The following FRAS1 variants were observed in gnomAD, a reference collection of about 807,000 sequenced individuals.
The protein encoded by FRAS1 is Fraser extracellular matrix complex subunit 1.
FRAS1 carries 290 observed loss-of-function variants against 435.2 expected under a neutral mutation model. The ratio of observed to expected loss-of-function variants is 0.67; its 90% CI spans 0.61 to 0.73. The LOEUF is 0.73. Ranked by LOEUF, FRAS1 falls within the 30% of genes least tolerant of loss-of-function variation. The probability of loss-of-function intolerance (pLI) is 0.00; values close to 1 mark genes in which losing one functional copy is unlikely to be tolerated. For missense variants in FRAS1, 4,860 were observed against 5,001.5 expected (o/e 0.97, Z 0.85); for synonymous variants, 1,800 against 1,851.0 (o/e 0.97, Z 0.71).
At chr4:78,457,789 C>G (rs1719251922) in intron 47 of FRAS1, among the ~76,000 whole-genome samples, 1 of 152,180 alleles carries the variant, frequency 6.6e-6, no homozygotes, top group South Asian at 2.1e-4. Context: ...CTACTTTGTA[C>G]TCACTGCCAA....
intron 2 of FRAS1, among the ~76,000 whole-genome samples, chr4:78,162,376 G>T (rs1198450904): frequency 1.3e-5 from 2 of 152,146 alleles, no homozygotes; most frequent in East Asian, 3.8e-4. Context: ...GGTTTTAAGT[G>T]GGAAGGGATA....
At chr4:78,158,582 G>T (rs1720992118) in intron 2 of FRAS1, among the ~76,000 whole-genome samples, 1 of 152,048 alleles carries the variant, frequency 6.6e-6, no homozygotes. Flanking sequence ...GGTGCTTCAG[G>T]AACATTCGAT....
At chr4:78,467,264 T>C (rs1719561012) in intron 50 of FRAS1, among the ~76,000 whole-genome samples, 1 of 152,200 alleles carries the variant, frequency 6.6e-6, no homozygotes, top group South Asian at 2.1e-4. Flanking sequence ...TCTTCTCCTC[T>C]CTCTCTCCAT....
chr4:78,429,025 C>CGT (rs1237746277), intron 35 of FRAS1, 70 bp from the exon 36 acceptor site: 420 of 1,417,090 alleles, frequency 3.0e-4, no homozygotes, highest in Non-Finnish European at 3.2e-4. Context: ...CAAGTTGATT[C>CGT]GTGTGTGTGT....
chr4:78,069,786 G>GTT (rs5859604), intron 2 of FRAS1, among the ~76,000 whole-genome samples: 1 of 147,008 alleles, frequency 6.8e-6, no homozygotes, highest in African/African-American at 2.5e-5. Flanking sequence ...CCAGGAAATA[G>GTT]TTTTTTTTTT....
chr4:78,527,720 A>T lies in FRAS1; in HGVS notation c.10925+1063A>T, dbSNP rs933732157. 3.3e-5 allele frequency among the ~76,000 whole-genome samples: 5 copies of T among 152,312 alleles called. 1 individual carries two copies. Among genetic ancestry groups the T allele is most frequent in the Admixed American group, 3.3e-4 (5 of 15,302 alleles). On this transcript the variant is annotated intron_variant, in intron 70 of 73. Coordinates refer to ENST00000512123, the MANE Select transcript of FRAS1 (RefSeq NM_025074.7). ...AGGCGAGAAAGTAGAGACAGCAGGG[A>T]TAAACAGTGCTTGAGGAGTTGCTAT...
intron 72 of FRAS1, 143 bp from the exon 73 acceptor site, chr4:78,539,151 G>A: frequency 1.4e-6 from 1 of 690,344 alleles, no homozygotes; most frequent in Non-Finnish European, 2.3e-6. Context: ...ACTGACTTAT[G>A]GAGAGGGCTT....
At chr4:78,284,308 GTAATGCTACA>G in intron 12 of FRAS1, 87 bp from the exon 13 acceptor site, 1 of 890,774 alleles carries the variant, frequency 1.1e-6, no homozygotes. Context: ...CATGTTCTAT[GTAATGCTACA>G]TACTTTGTAG....
chr4:78,446,031 T>C, intron 42 of FRAS1: 2 of 1,220,736 alleles, frequency 1.6e-6, no homozygotes, highest in Non-Finnish European at 2.0e-6. Flanking sequence ...TTCTCTGAAA[T>C]TGTGTTTGGT....
At chr4:78,080,382 T>C (rs1740841645) in intron 2 of FRAS1, among the ~76,000 whole-genome samples, 1 of 152,154 alleles carries the variant, frequency 6.6e-6, no homozygotes, top group Non-Finnish European at 1.5e-5. Context: ...CGGATGAATG[T>C]ATAGGAAAGC....
In FRAS1 at chr4:78,473,432, TCA is replaced by T. The variant is rs2109852774; in HGVS notation, c.7523-3_7523-2del. On this transcript the variant is annotated splice_polypyrimidine_tract_variant and splice_region_variant and intron_variant, in intron 52 of 73. Transcript: ENST00000512123. ...GTTAATTCACAGTGAGTCTTTTTTC[TCA>T]CAGAGGATGTGAACTTGGGGTTGAT... 1 of 1,609,936 alleles carries T rather than the reference TCA, an allele frequency of 6.2e-7. No individual in the cohort carries two copies. The highest frequency in any genetic ancestry group is 1.1e-5 in the South Asian group (1 of 90,188).
intron 2 of FRAS1, among the ~76,000 whole-genome samples, chr4:78,086,130 A>G (rs1221447224): frequency 6.6e-6 from 1 of 152,124 alleles, no homozygotes; most frequent in Non-Finnish European, 1.5e-5. Context: ...CTCACTCAAA[A>G]CTGCTCAACT....
At chr4:78,339,241 C>T (rs57417744) in intron 20 of FRAS1, among the ~76,000 whole-genome samples, 2,937 of 152,310 alleles carry the variant, frequency 0.019, 90 homozygotes, top group African/African-American at 0.067. Flanking sequence ...CTTATTATCA[C>T]TTTAAGATAT....
At chr4:78,215,298 G>A (rs774086221) in intron 2 of FRAS1, among the ~76,000 whole-genome samples, 11 of 151,886 alleles carry the variant, frequency 7.2e-5, no homozygotes, top group Non-Finnish European at 1.5e-4. Flanking sequence ...TGGGTTCAAC[G>A]AATTCTTCTG....
intron 4 of FRAS1, among the ~76,000 whole-genome samples, chr4:78,247,454 A>G (rs1725295291): frequency 6.6e-6 from 1 of 152,126 alleles, no homozygotes; most frequent in Non-Finnish European, 1.5e-5. Context: ...ATTTTTTTTA[A>G]GGCGAGACAA....
chr4:78,387,228 C>T (rs570391683), intron 28 of FRAS1, 147 bp from the exon 29 acceptor site: 97 of 568,344 alleles, frequency 1.7e-4, no homozygotes, highest in African/African-American at 1.5e-3. Flanking sequence ...ACACCTCTGA[C>T]GAATGTGTTC....
intron 4 of FRAS1, among the ~76,000 whole-genome samples, chr4:78,249,367 C>T (rs1414872898): frequency 9.4e-6 from 1 of 106,238 alleles, no homozygotes; most frequent in Non-Finnish European, 1.7e-5. Context: ...CTCACTCTGT[C>T]TCCCAGTTGC....
intron 6 of FRAS1, among the ~76,000 whole-genome samples, chr4:78,256,951 G>A (rs187339445): frequency 6.3e-4 from 96 of 152,186 alleles, no homozygotes; most frequent in Admixed American, 1.2e-3. Flanking sequence ...ATGTTCTGAT[G>A]ATCCAAAGGG....
chr4:78,450,809 C>T (rs956250009), intron 45 of FRAS1, among the ~76,000 whole-genome samples: 5 of 152,134 alleles, frequency 3.3e-5, no homozygotes, highest in Non-Finnish European at 1.5e-5. Flanking sequence ...CACATCCCTC[C>T]ATCAGGAAAT....
Sources: allele counts gnomAD v4.1 joint callset (sites outside exome capture counted in the v4.1 genomes callset), GRCh38; gene constraint gnomAD v4.1.1; transcripts MANE v1.5; gene names NCBI Gene and HGNC (gene_info 2026-07-23, HGNC 2026-07-21).